DDX60: variants seen among roughly 807,000 people sequenced by gnomAD.
DDX60 encodes the protein probable ATP-dependent RNA helicase DDX60.
In DDX60, 165 loss-of-function variants were observed where a neutral mutation model predicts 212.8. The ratio of observed to expected loss-of-function variants is 0.78; its 90% CI spans 0.68 to 0.88. DDX60 has a LOEUF of 0.88. DDX60 is among the 40% of genes least tolerant of loss of function. DDX60 has a pLI of 0.00. For synonymous variants in DDX60, 703 were observed against 685.3 expected (o/e 1.03, Z -0.40); for missense variants, 1,905 against 2,003.9 (o/e 0.95, Z 0.94).
At chr4:168,245,848 T>C (rs1202755595) in intron 30 of DDX60, among the ~76,000 whole-genome samples, 1 of 152,124 alleles carries the variant, frequency 6.6e-6, no homozygotes, top group Admixed American at 6.6e-5. Context: ...ATTTTGAAGT[T>C]CAGTTACATA....
rs780680463 is a variant in DDX60 at position 168,302,283 on chromosome 4, T to C, written c.723+17A>G. 3 of 1,363,996 alleles carry C rather than the reference T, an allele frequency of 2.2e-6. No homozygotes were observed. The East Asian group carries it at 7.2e-5, about 33-fold the overall frequency. The allele number at this position is 1,363,996 out of a possible 1,614,324, so 84.5% of individuals were successfully genotyped here. On this transcript the variant is annotated intron_variant, in intron 6 of 37. Coordinates refer to ENST00000393743, the MANE Select transcript of DDX60 (RefSeq NM_017631.6). ...AAACTTAGTTCAAATACAAAGCTTTTTAAAATGTTTTGTTACCTCTTCCGT... is the reference window on the plus strand; with the variant it reads ...AAACTTAGTTCAAATACAAAGCTTTCTAAAATGTTTTGTTACCTCTTCCGT...
At chr4:168,287,455 C>A (rs1735909989) in intron 9 of DDX60, among the ~76,000 whole-genome samples, 1 of 152,134 alleles carries the variant, frequency 6.6e-6, no homozygotes, top group African/African-American at 2.4e-5. Context: ...CCCACAAACG[C>A]ATCGTGAACA....
rs1207073872 is a variant in DDX60 at position 168,285,434 on chromosome 4, T to C, written c.1404A>G (p.Lys468=). The C allele has an allele frequency of 4.3e-6, 7 of 1,611,832 alleles. No individual in the cohort carries two copies. Among genetic ancestry groups the C allele is most frequent in the African/African-American group, 1.3e-5 (1 of 74,962 alleles). Residue 468 remains lysine, a synonymous_variant, in exon 11 of 38, where the codon AAA becomes AAG. Coordinates refer to ENST00000393743, the MANE Select transcript of DDX60 (RefSeq NM_017631.6). ...FIPTSSFVVD[K]FAGDILKDLP... The stretch of plus-strand genomic sequence containing the variant: ...AATCTTTCAAAATATCTCCAGCAAA[T>C]TTATCAACCACAAAAGATGACGTTG...
chr4:168,244,552 C>T (rs1268179982), intron 30 of DDX60, among the ~76,000 whole-genome samples: 1 of 152,056 alleles, frequency 6.6e-6, no homozygotes, highest in Non-Finnish European at 1.5e-5. Context: ...TGGTCAAACC[C>T]TGTCTCTACT....
intron 10 of DDX60, among the ~76,000 whole-genome samples, chr4:168,286,486 CAAAT>C (rs1735865861): frequency 6.7e-6 from 1 of 148,262 alleles, no homozygotes; most frequent in East Asian, 2.1e-4. Context: ...TGATAATAGA[CAAAT>C]GAATGACTTT....
At chr4:168,227,210 G>GTT (rs61106831) in intron 33 of DDX60, among the ~76,000 whole-genome samples, 1 of 145,376 alleles carries the variant, frequency 6.9e-6, no homozygotes, top group Non-Finnish European at 1.5e-5. Flanking sequence ...TTGTGGGAAT[G>GTT]TTTTTTTTTT....
intron 22 of DDX60, among the ~76,000 whole-genome samples, chr4:168,264,306 T>C (rs1266774189): frequency 6.6e-6 from 1 of 152,200 alleles, no homozygotes; most frequent in Non-Finnish European, 1.5e-5. Context: ...GTAAAACAAT[T>C]CCTGGAATCA....
At chr4:168,297,345 A>G (rs935717499) in intron 6 of DDX60, among the ~76,000 whole-genome samples, 13 of 92,366 alleles carry the variant, frequency 1.4e-4, no homozygotes, top group African/African-American at 2.2e-4. Flanking sequence ...AAAGAAAGAA[A>G]GAAAGAAAGA....
chr4:168,224,349 A>G lies in DDX60; in HGVS notation c.4718T>C (p.Val1573Ala). Residue 1573 changes from valine (V) to alanine (A), a missense_variant, in exon 35 of 38, where the codon GTA (valine) becomes GCA (alanine). Coordinates refer to ENST00000393743, the MANE Select transcript of DDX60 (RefSeq NM_017631.6). ...TTCCTTGCAGCTCATCAAATGAGATACGAGTTGAGAGTCTTCACATTCTTT... is the reference window on the plus strand; with the variant it reads ...TTCCTTGCAGCTCATCAAATGAGATGCGAGTTGAGAGTCTTCACATTCTTT... ...TGKECEDSQL[V>A]SHLMSCKEGR... 1 of 1,611,960 alleles carries G rather than the reference A, an allele frequency of 6.2e-7. No homozygotes were observed. Among genetic ancestry groups the G allele is most frequent in the Non-Finnish European group, 8.5e-7 (1 of 1,178,526 alleles).
In DDX60 at chr4:168,293,830, C is replaced by T. The variant is rs148870784; in HGVS notation, c.839G>A (p.Gly280Glu). ...LSLRMYHRFL[G>E]NREPSSGQET... Reference sequence around the variant, plus strand: ...CTGACCAGAGGAGGGCTCTCTGTTTCCTAAAAAGCGATGGTACATTCTCAA... The same window carrying T: ...CTGACCAGAGGAGGGCTCTCTGTTTTCTAAAAAGCGATGGTACATTCTCAA... Residue 280 changes from glycine to glutamate, a missense_variant, in exon 7 of 38, where the codon GGA becomes GAA. Physicochemically the swap from Gly to Glu is moderately conservative, Grantham distance 98 (BLOSUM62 -2). Coordinates refer to ENST00000393743, the MANE Select transcript of DDX60 (RefSeq NM_017631.6). 6.1e-3 allele frequency: 9,791 copies of T among 1,613,714 alleles called. 41 individuals carry two copies. Among genetic ancestry groups the T allele is most frequent in the Non-Finnish European group, 7.7e-3 (9,120 of 1,179,840 alleles).
At position 168,255,658 on chromosome 4, in the gene DDX60, C is replaced by A. The variant is rs1030449560; in HGVS notation, c.3557+53G>T. On this transcript the variant is annotated intron_variant, in intron 26 of 37. Transcript: ENST00000393743. ...ATTCAATTTACGTTTCCTACTAGGA[C>A]TTGGGGAGTATTTTAACCCTCTACT... The A allele has an allele frequency of 6.3e-6, 9 of 1,438,310 alleles. No individual in the cohort carries two copies. In the Admixed American group the frequency reaches 2.0e-4, roughly 31 times the overall value. The allele number at this position is 1,438,310 out of a possible 1,614,324, so 89.1% of individuals were successfully genotyped here.
In DDX60 at chr4:168,276,153, A is replaced by G; in HGVS notation, c.2007T>C (p.Ala669=). The G allele has an allele frequency of 1.2e-6, 2 of 1,610,674 alleles. No individual in the cohort carries two copies. Among genetic ancestry groups the G allele is most frequent in the Non-Finnish European group, 1.7e-6 (2 of 1,178,246 alleles). Residue 669 remains alanine, a synonymous_variant, in exon 15 of 38, where the codon GCT becomes GCC. Coordinates refer to ENST00000393743, the MANE Select transcript of DDX60 (RefSeq NM_017631.6). ...EGKTTKDLSI[A]VQVMKRIHSL... is the part of the protein sequence containing the mutation. ...AGTGGATCCTTTTCATCACCTGAAC[A>G]GCTATACTTAAATCTTTCGTGGTTT...
chr4:168,248,194 A>T lies in DDX60; in HGVS notation c.3957T>A (p.Tyr1319Ter). ...QNSVYLDALN[Y>*]RQMSGRAGRR... ...TTTATGCATTTTGCAATACCTGTCT[A>T]TAATTCAACGCATCCAGATAGACTG... Residue 1319 changes from tyrosine to a stop codon, truncating the protein, a stop_gained, in exon 29 of 38, where the codon TAT (tyrosine) becomes TAA (stop). Transcript: ENST00000393743. LOFTEE classifies it high-confidence loss of function. 4 of 1,603,322 alleles carry T rather than the reference A, an allele frequency of 2.5e-6. No homozygotes were observed. Among genetic ancestry groups the T allele is most frequent in the Non-Finnish European group, 3.4e-6 (4 of 1,176,056 alleles).
chr4:168,223,763 T>G (rs1733148256), intron 35 of DDX60, among the ~76,000 whole-genome samples: 1 of 152,072 alleles, frequency 6.6e-6, no homozygotes, highest in Non-Finnish European at 1.5e-5. Context: ...TCAAATGTAA[T>G]AAAACACTTT....
intron 1 of DDX60, among the ~76,000 whole-genome samples, chr4:168,316,848 G>A (rs1376011017): frequency 6.6e-6 from 1 of 151,480 alleles, no homozygotes; most frequent in African/African-American, 2.4e-5. Flanking sequence ...ACCTGAGGTC[G>A]GGAGTTCGAG....
chr4:168,316,839 C>G (rs1349294047), intron 1 of DDX60, among the ~76,000 whole-genome samples: 1 of 151,658 alleles, frequency 6.6e-6, no homozygotes, highest in Non-Finnish European at 1.5e-5. Flanking sequence ...GGGCAGATCA[C>G]CTGAGGTCGG....
At chr4:168,316,611 C>T (rs1737393219) in intron 1 of DDX60, among the ~76,000 whole-genome samples, 1 of 152,004 alleles carries the variant, frequency 6.6e-6, no homozygotes. Flanking sequence ...AGAGTAGATA[C>T]AAGAGTGATT....
chr4:168,271,062 G>C (rs960962474), intron 19 of DDX60, among the ~76,000 whole-genome samples: 2 of 151,806 alleles, frequency 1.3e-5, no homozygotes, highest in Non-Finnish European at 2.9e-5. Flanking sequence ...ATTTTTAGTA[G>C]AGATGGGGTT....
chr4:168,274,059 T>C lies in DDX60; in HGVS notation c.2329A>G (p.Lys777Glu). 6.2e-7 allele frequency: 1 copy of C among 1,614,188 alleles called. No homozygotes were observed. Among genetic ancestry groups the C allele is most frequent in the Non-Finnish European group, 8.5e-7 (1 of 1,180,026 alleles). The change falls in exon 17 of 38, where the codon AAG becomes GAG. Residue 777 changes from lysine to glutamate, a missense_variant. Lys to Glu is a moderately conservative substitution (Grantham distance 56, BLOSUM62 1). Transcript: ENST00000393743. The part of the protein sequence containing the change: ...WQRELLDVVD[K>E]NESAVIVAPT... Reference sequence around the variant, plus strand: ...GCAACAATCACTGCTGACTCATTCTTATCCACAACATCAAGGAGCTCTCGC... The same window carrying C: ...GCAACAATCACTGCTGACTCATTCTCATCCACAACATCAAGGAGCTCTCGC...
Sources: allele counts gnomAD v4.1 joint callset (sites outside exome capture counted in the v4.1 genomes callset), GRCh38; gene constraint gnomAD v4.1.1; transcripts MANE v1.5; gene names NCBI Gene and HGNC (gene_info 2026-07-23, HGNC 2026-07-21).